CTRB1: variants seen among roughly 807,000 people sequenced by gnomAD.
CTRB1 encodes the protein chymotrypsinogen B.
In CTRB1, 15 loss-of-function variants were observed where a neutral mutation model predicts 20.4. That is an observed-to-expected ratio of 0.74 (90% CI 0.49 to 1.13). The LOEUF (loss-of-function observed/expected upper bound fraction) is 1.13, where lower values mean the gene tolerates loss of function less well. Among genes scored for constraint, CTRB1 ranks in the 50% most tolerant of loss-of-function variants. CTRB1 has a pLI of 0.00. For missense variants in CTRB1, 227 were observed against 290.1 expected, an observed-to-expected ratio of 0.78 and a Z score of 1.58; for synonymous variants, 92 against 128.4, an observed-to-expected ratio of 0.72 and a Z score of 1.92.
intron 1 of CTRB1, among the ~76,000 whole-genome samples, chr16:75,221,362 G>A (rs2039081301): frequency 6.6e-6 from 1 of 151,924 alleles, no homozygotes; most frequent in African/African-American, 2.4e-5. Context: ...AGCTGTGTTT[G>A]TTTTGATTTT....
intron 6 of CTRB1, 135 bp downstream of exon 6, chr16:75,224,323 A>C: frequency 6.7e-7 from 1 of 1,495,940 alleles, no homozygotes. Flanking sequence ...GCAAAATTCC[A>C]TGGCCAATGT....
intron 6 of CTRB1, 118 bp from the exon 7 acceptor site, chr16:75,224,587 T>C: frequency 8.3e-7 from 1 of 1,202,552 alleles, no homozygotes; most frequent in South Asian, 1.5e-5. Context: ...CAACAGCACA[T>C]GCTGAGCCTT....
chr16:75,224,832 T>A lies in CTRB1; in HGVS notation c.758T>A (p.Ile253Lys), dbSNP rs1354902353. The A allele has an allele frequency of 6.2e-7, 1 of 1,613,826 alleles. No homozygotes were observed. Among genetic ancestry groups the A allele is most frequent in the African/African-American group, 1.3e-5 (1 of 74,938 alleles). ...PGVYARVTKL[I>K]PWVQKILAAN ...GTGTACGCCCGTGTCACCAAGCTCATACCTTGGGTGCAGAAGATCCTGGCT... is the reference window on the plus strand; with the variant it reads ...GTGTACGCCCGTGTCACCAAGCTCAAACCTTGGGTGCAGAAGATCCTGGCT... Residue 253 changes from isoleucine to lysine, a missense_variant, in exon 7 of 7, where the codon ATA becomes AAA. By Grantham distance (102) the Ile-to-Lys change is moderately radical (BLOSUM62 -3). This residue lies in a region of CTRB1 where 108 missense variants were observed against 76.9 expected (regional missense o/e 1.41). Transcript: ENST00000361017.
chr16:75,224,711 T>C lies in CTRB1; in HGVS notation c.637T>C (p.Ser213Pro), dbSNP rs755026878. 8 of 1,609,694 alleles carry C rather than the reference T, an allele frequency of 5.0e-6. No individual in the cohort carries two copies. The highest frequency in any genetic ancestry group is 6.8e-6 in the Non-Finnish European group (8 of 1,178,440). Residue 213 changes from serine (S) to proline (P), a missense_variant, in exon 7 of 7, where the codon TCT becomes CCT. Physicochemically the swap from Ser to Pro is moderately conservative, Grantham distance 74. This residue lies in a region of CTRB1 where 108 missense variants were observed against 76.9 expected (regional missense o/e 1.41). Transcript: ENST00000361017. ...ASGVSSCMGD[S>P]GGPLVCQKDG... ...CCTTCTCCCTCTCCCACAGGGCGAC[T>C]CTGGCGGCCCCCTGGTCTGCCAAAA...
chr16:75,224,130 G>T lies in CTRB1; in HGVS notation c.572G>T (p.Gly191Val), dbSNP rs1277966766. 6.2e-6 allele frequency: 9 copies of T among 1,440,660 alleles called. No homozygotes were observed. The highest frequency in any genetic ancestry group is 2.1e-5 in the Admixed American group (1 of 48,232). The allele number at this position is 1,440,660 out of a possible 1,614,324, so 89.2% of individuals were successfully genotyped here. Residue 191 changes from glycine (G) to valine (V), a missense_variant, in exon 6 of 7, where the codon GGC (glycine) becomes GTC (valine). Gly to Val is a moderately radical substitution (Grantham distance 109). This residue lies in a region of CTRB1 where 36 missense variants were observed against 51.6 expected (regional missense o/e 0.70). Coordinates refer to ENST00000361017, the MANE Select transcript of CTRB1 (RefSeq NM_001906.6). Reference protein sequence around the residue: ...LSNAECKKSWGRRITDVMICA... With the variant: ...LSNAECKKSWVRRITDVMICA... ...AATGCCGAATGCAAGAAGTCCTGGGGCAGGAGGATCACCGACGTGATGATC... is the reference window on the plus strand; with the variant it reads ...AATGCCGAATGCAAGAAGTCCTGGGTCAGGAGGATCACCGACGTGATGATC...
intron 5 of CTRB1, 63 bp downstream of exon 5, chr16:75,223,691 C>CGTTT (rs750281438): frequency 0.053 from 19,136 of 357,898 alleles, 875 homozygotes; most frequent in Non-Finnish European, 0.064. Flanking sequence ...CCCCCGTGAC[C>CGTTT]GTTTGGCTCT....
chr16:75,221,693 G>T (rs796424175), intron 1 of CTRB1, among the ~76,000 whole-genome samples: 4 of 151,482 alleles, frequency 2.6e-5, no homozygotes, highest in South Asian at 2.1e-4. Flanking sequence ...AACCAAGACC[G>T]GATATATGGG....
intron 1 of CTRB1, among the ~76,000 whole-genome samples, chr16:75,219,339 C>T (rs2151373777): frequency 1.3e-5 from 2 of 151,774 alleles, no homozygotes; most frequent in East Asian, 3.9e-4. Context: ...CTCCCAAGGC[C>T]TCCACCGGGG....
intron 6 of CTRB1, 65 bp from the exon 7 acceptor site, chr16:75,224,640 C>T: frequency 1.3e-6 from 2 of 1,522,664 alleles, no homozygotes; most frequent in South Asian, 2.5e-5. Flanking sequence ...GAACAATGTC[C>T]AGTGGCCCCT....
At chr16:75,220,804 G>C (rs1188633617) in intron 1 of CTRB1, among the ~76,000 whole-genome samples, 1 of 151,924 alleles carries the variant, frequency 6.6e-6, no homozygotes, top group Non-Finnish European at 1.5e-5. Flanking sequence ...TGTCGCCCTG[G>C]CTGGAGTGCA....
At chr16:75,223,991 G>A (rs1034832287) in intron 5 of CTRB1, 64 bp from the exon 6 acceptor site, 22 of 572,568 alleles carry the variant, frequency 3.8e-5, no homozygotes, top group African/African-American at 9.9e-5. Flanking sequence ...TGTCGGCCCC[G>A]GGTCTCTCCC....
chr16:75,221,252 C>T (rs1234660058), intron 1 of CTRB1, among the ~76,000 whole-genome samples: 1 of 152,204 alleles, frequency 6.6e-6, no homozygotes, highest in African/African-American at 2.4e-5. Context: ...CTGGTCCTGA[C>T]ATAGCAGAGG....
At chr16:75,219,480 C>G (rs1412598640) in intron 1 of CTRB1, among the ~76,000 whole-genome samples, 1 of 151,964 alleles carries the variant, frequency 6.6e-6, no homozygotes, top group African/African-American at 2.4e-5. Flanking sequence ...CAACCTCCAT[C>G]TCCTGGGTTC....
At chr16:75,220,576 T>C (rs2039069595) in intron 1 of CTRB1, among the ~76,000 whole-genome samples, 1 of 152,176 alleles carries the variant, frequency 6.6e-6, no homozygotes, top group Non-Finnish European at 1.5e-5. Context: ...ATTACAGGTG[T>C]GAGCCACTGT....
chr16:75,219,863 A>T (rs11149808), intron 1 of CTRB1, among the ~76,000 whole-genome samples: 63,165 of 152,164 alleles, frequency 0.42, 15,691 homozygotes, highest in East Asian at 0.6. Flanking sequence ...TGTGAGCTTG[A>T]TTCTGAACTT....
chr16:75,223,151 G>T lies in CTRB1; in HGVS notation c.247G>T (p.Val83Leu). Residue 83 changes from valine (V) to leucine (L), a missense_variant, in exon 4 of 7, where the codon GTG (valine) becomes TTG (leucine). Val to Leu is a conservative substitution (Grantham distance 32). Around this residue, in one of 4 missense-constraint regions of CTRB1, gnomAD observed 12 missense variants for 92.4 expected, o/e 0.13. Transcript: ENST00000361017. ...CAACGCTCTGCCCAGGACCTCCGAC[G>T]TGGTCGTGGCTGGGGAGTTTGACCA... The part of the protein sequence containing the change: ...AAHCGVRTSD[V>L]VVAGEFDQGS... 1.9e-6 allele frequency: 2 copies of T among 1,057,370 alleles called. No homozygotes were observed. The highest frequency in any genetic ancestry group is 2.8e-6 in the Non-Finnish European group (2 of 716,980). 65.5% of individuals were successfully genotyped at this position (1,057,370 alleles called of 1,614,324 possible). A position where few individuals can be genotyped will look rare whatever the true frequency, so the allele number is the denominator to read the frequency against.
chr16:75,224,245 G>A (rs2076716129), intron 6 of CTRB1, 57 bp downstream of exon 6: 8 of 1,511,484 alleles, frequency 5.3e-6, no homozygotes, highest in Admixed American at 2.2e-5. Flanking sequence ...GGGAGGTCTG[G>A]GCTTTCCACC....
chr16:75,222,602 G>C (rs369217858), intron 1 of CTRB1, 166 bp from the exon 2 acceptor site: 14 of 709,072 alleles, frequency 2.0e-5, no homozygotes, highest in African/African-American at 3.6e-5. Flanking sequence ...AGTTGGGAAC[G>C]TTTGAGCCTA....
chr16:75,219,615 C>T (rs1033109333), intron 1 of CTRB1, among the ~76,000 whole-genome samples: 1 of 152,146 alleles, frequency 6.6e-6, no homozygotes, highest in African/African-American at 2.4e-5. Flanking sequence ...AACTCCTGAC[C>T]TCAGGTGATG....
Sources: allele counts gnomAD v4.1 joint callset (sites outside exome capture counted in the v4.1 genomes callset), GRCh38; gene constraint gnomAD v4.1.1; regional missense constraint gnomAD v4.1.1; transcripts MANE v1.5; gene names NCBI Gene and HGNC (gene_info 2026-07-23, HGNC 2026-07-21).